The following CFAP46 variants were observed in gnomAD, a reference collection of about 807,000 sequenced individuals.
The protein encoded by CFAP46 is cilia- and flagella-associated protein 46.
CFAP46 carries 245 observed loss-of-function variants against 325.7 expected under a neutral mutation model. That is an observed-to-expected ratio of 0.75 (90% CI 0.68 to 0.84). The LOEUF (loss-of-function observed/expected upper bound fraction) is 0.84. Ranked by LOEUF, CFAP46 falls within the 40% of genes least tolerant of loss-of-function variation. The pLI, the probability that CFAP46 is intolerant of heterozygous loss-of-function variation, is 0.00. For synonymous variants in CFAP46, 1,523 were observed against 1,495.9 expected (o/e 1.02, Z -0.42); for missense variants, 3,346 against 3,543.0 (o/e 0.94, Z 1.41).
Position 132,885,769 on chromosome 10 carries a change from G to A in CFAP46, c.3443+52C>T. 3 of 1,406,118 alleles carry A rather than the reference G, an allele frequency of 2.1e-6. No individual in the cohort carries two copies. In the South Asian group the frequency reaches 3.9e-5, roughly 19 times the overall value. The allele number at this position is 1,406,118 out of a possible 1,614,324, so 87.1% of individuals were successfully genotyped here. A position where few individuals can be genotyped will look rare whatever the true frequency, so the allele number is the denominator to read the frequency against. Reference sequence around the variant, plus strand: ...GGGGAGCACTCACAGGCGGTGGGGGGAGCACTCAGGCGGTGGAGGGAGCAC... The same window carrying A: ...GGGGAGCACTCACAGGCGGTGGGGGAAGCACTCAGGCGGTGGAGGGAGCAC... On this transcript the variant is annotated intron_variant, in intron 26 of 57. Coordinates refer to ENST00000368586, the MANE Select transcript of CFAP46 (RefSeq NM_001200049.3).
chr10:132,824,610 G>A (rs1377644049), intron 50 of CFAP46, among the ~76,000 whole-genome samples: 1 of 124,734 alleles, frequency 8.0e-6, no homozygotes. Context: ...TGTGTGTGCT[G>A]TGTGCGCTGA....
intron 9 of CFAP46, among the ~76,000 whole-genome samples, chr10:132,927,579 A>C (rs1430604597): frequency 6.6e-6 from 1 of 152,228 alleles, no homozygotes. Context: ...CAGCGGCTGC[A>C]AGCCTCCATG....
Position 132,924,880 on chromosome 10 carries a change from G to A in CFAP46, c.1072C>T (p.Leu358=), listed in dbSNP as rs1340010804. 5 of 1,384,914 alleles carry A rather than the reference G, an allele frequency of 3.6e-6. No homozygotes were observed. In the African/African-American group the frequency reaches 4.6e-5, roughly 13 times the overall value. 85.8% of individuals were successfully genotyped at this position (1,384,914 alleles called of 1,614,324 possible). ...ACGTCTAGCCTCTGTATGATATCCA[G>A]CTGGGCCTGCGGAGAAGACGTGGGG... is the stretch of plus-strand genomic sequence containing the variant. ...VYNRAAVEAQ[L]DIIQRLDVAL... is the part of the protein sequence containing the mutation. Residue 358 remains leucine, a synonymous_variant, in exon 11 of 58, where the codon CTG becomes TTG. Coordinates refer to ENST00000368586, the MANE Select transcript of CFAP46 (RefSeq NM_001200049.3).
In CFAP46 at chr10:132,919,218, G is replaced by T; in HGVS notation, c.1858+97C>A. 7.9e-7 allele frequency: 1 copy of T among 1,271,958 alleles called. No individual in the cohort carries two copies. Among genetic ancestry groups the T allele is most frequent in the South Asian group, 1.6e-5 (1 of 62,160 alleles). The allele number at this position is 1,271,958 out of a possible 1,614,324, so 78.8% of individuals were successfully genotyped here. A position where few individuals can be genotyped will look rare whatever the true frequency, so the allele number is the denominator to read the frequency against. On this transcript the variant is annotated intron_variant, in intron 15 of 57. Coordinates refer to ENST00000368586, the MANE Select transcript of CFAP46 (RefSeq NM_001200049.3). This position sits in a 1 kb window ranked among gnomAD's most constrained non-coding sequence, Gnocchi z 9.7. ...TTAGCAATACGCTTTCTCATGCGAA[G>T]GCCCCATGGGTTGTCATTGCACGAA...
intron 50 of CFAP46, among the ~76,000 whole-genome samples, chr10:132,823,286 G>GC (rs1847930756): frequency 8.0e-6 from 1 of 124,252 alleles, no homozygotes; most frequent in African/African-American, 3.2e-5. Flanking sequence ...TGTGCTGTGT[G>GC]TGCTGTGTGT....
chr10:132,850,204 G>A, intron 41 of CFAP46, 40 bp downstream of exon 41: 1 of 1,541,950 alleles, frequency 6.5e-7, no homozygotes, highest in African/African-American at 1.4e-5. Context: ...CGGGTGACTG[G>A]TGTTGGAGCC....
intron 50 of CFAP46, among the ~76,000 whole-genome samples, chr10:132,816,540 C>T (rs2134787812): frequency 6.6e-6 from 1 of 152,124 alleles, no homozygotes; most frequent in Middle Eastern, 3.4e-3. Context: ...ACCGTGTTAG[C>T]CAGGATGGTC....
chr10:132,820,230 C>T (rs1354782490), intron 50 of CFAP46, among the ~76,000 whole-genome samples: 2 of 152,248 alleles, frequency 1.3e-5, no homozygotes, highest in African/African-American at 4.8e-5. Flanking sequence ...TTGAGGACAT[C>T]ACGCAAAGTG....
At chr10:132,911,811 T>C (rs1172695243) in intron 19 of CFAP46, among the ~76,000 whole-genome samples, 1 of 152,150 alleles carries the variant, frequency 6.6e-6, no homozygotes, top group East Asian at 1.9e-4. Context: ...TCCCTGTTTC[T>C]CGCCGTTCCA....
chr10:132,890,731 C>A (rs1267360991), intron 25 of CFAP46, among the ~76,000 whole-genome samples: 2 of 152,188 alleles, frequency 1.3e-5, no homozygotes, highest in Non-Finnish European at 2.9e-5. Context: ...TGCAGCCTAG[C>A]CTCTCAGTGG....
At chr10:132,885,454 C>T (rs907757947) in intron 26 of CFAP46, among the ~76,000 whole-genome samples, 168 bp from the exon 27 acceptor site, 11 of 151,206 alleles carry the variant, frequency 7.3e-5, no homozygotes, top group East Asian at 2.0e-4. Flanking sequence ...CGGGGGTGAG[C>T]GGGGGCCTCG....
rs1349098937 is a variant in CFAP46, at chr10:132,899,618, G to T, written c.2973C>A (p.Ile991=). Residue 991 remains isoleucine (I), a synonymous_variant, in exon 23 of 58, where the codon ATC becomes ATA. Transcript: ENST00000368586. ...GGTTTTCCATGATGCTCCTGCCCTG[G>T]ATGGCCGTGGCTGTGCACAGCATCT... The part of the protein sequence containing the change: ...VAEMLCTATA[I]QGRSIMENLK... 2 of 1,550,142 alleles carry T rather than the reference G, an allele frequency of 1.3e-6. No homozygotes were observed. The highest frequency in any genetic ancestry group is 2.7e-5 in the African/African-American group (2 of 73,050).
At chr10:132,810,910 C>A (rs1847567304) in intron 56 of CFAP46, 40 bp downstream of exon 56, 6 of 1,543,576 alleles carry the variant, frequency 3.9e-6, no homozygotes, top group Admixed American at 1.9e-5. Flanking sequence ...ACCTCTCCAT[C>A]CTCAGCATCC....
rs1848457693 is a variant in CFAP46 at position 132,847,404 on chromosome 10, G to A, written c.5953-83C>T. ...GGAGGGCCCACCCAGGGAGGCCGGG[G>A]TGGTCGGGCTCCTCAGCAGGGTCCC... On this transcript the variant is annotated intron_variant, in intron 41 of 57. Coordinates refer to ENST00000368586, the MANE Select transcript of CFAP46 (RefSeq NM_001200049.3). The surrounding 1 kb of genome is among the most constrained non-coding windows in gnomAD (Gnocchi z 5.2). The A allele has an allele frequency of 3.6e-5, 56 of 1,556,838 alleles. 1 individual carries two copies. In the South Asian group the frequency reaches 6.1e-4, roughly 17 times the overall value.
rs747791594 is a variant in CFAP46, at chr10:132,836,808, C to T, written c.6536+9G>A. ...TGGGGGCGGCCTCAACAAGAAGGAG[C>T]GGCTTTACCTGTCCCCTGAGAGGTG... On this transcript the variant is annotated intron_variant, in intron 45 of 57. Coordinates refer to ENST00000368586, the MANE Select transcript of CFAP46 (RefSeq NM_001200049.3). The T allele has an allele frequency of 6.8e-6, 11 of 1,611,432 alleles. No individual in the cohort carries two copies. The highest frequency in any genetic ancestry group is 1.7e-4 in the Middle Eastern group (1 of 6,030).
intron 31 of CFAP46, among the ~76,000 whole-genome samples, chr10:132,873,055 G>A (rs1306598451): frequency 6.6e-6 from 1 of 152,206 alleles, no homozygotes; most frequent in Non-Finnish European, 1.5e-5. Flanking sequence ...TTTGTCACGT[G>A]ATAATCTTTG....
rs1378345273 is a variant in CFAP46, at chr10:132,885,187, C to T, written c.3543G>A (p.Ala1181=). 19 of 1,550,400 alleles carry T rather than the reference C, an allele frequency of 1.2e-5. No homozygotes were observed. Among genetic ancestry groups the T allele is most frequent in the Non-Finnish European group, 6.1e-6 (7 of 1,146,992 alleles). The stretch of plus-strand genomic sequence containing the variant: ...TCAGGGCCAGGCGGTGCCACATGCG[C>T]GCCAAGTAGTCCTCACTCTCGGCCT... The part of the protein sequence containing the change: ...KFKAESEDYL[A]RMWHRLALNS... The change falls in exon 27 of 58, where the codon GCG becomes GCA. Residue 1181 remains alanine, a synonymous_variant. Coordinates refer to ENST00000368586, the MANE Select transcript of CFAP46 (RefSeq NM_001200049.3).
chr10:132,810,614 T>C (rs935892946), intron 56 of CFAP46, 125 bp from the exon 57 acceptor site: 1 of 868,734 alleles, frequency 1.2e-6, no homozygotes, highest in Non-Finnish European at 1.9e-6. Context: ...CCGCAGCGCG[T>C]TGTCCTGCAG....
chr10:132,823,161 G>GC (rs1847924135), intron 50 of CFAP46, among the ~76,000 whole-genome samples: 2 of 122,556 alleles, frequency 1.6e-5, no homozygotes, highest in African/African-American at 3.1e-5. Context: ...TGCTGTGTGA[G>GC]TGATGTGTGC....
Sources: gnomAD v4.1 joint callset for allele counts (sites outside exome capture counted in the v4.1 genomes callset) on GRCh38, gnomAD v4.1.1 for gene constraint, Gnocchi (gnomAD v3.1) non-coding constraint, MANE v1.5 for transcripts, NCBI Gene and HGNC (gene_info 2026-07-23, HGNC 2026-07-21) for gene names.